RPS6KA2: variants seen among roughly 807,000 people sequenced by gnomAD.
RPS6KA2 encodes the protein ribosomal protein S6 kinase alpha-2.
RPS6KA2 carries 42 observed loss-of-function variants against 91.8 expected under a neutral mutation model. The observed-to-expected ratio is 0.46, with a 90% CI of 0.36 to 0.59. The LOEUF is 0.59. Among genes scored for constraint, RPS6KA2 ranks in the 20% least tolerant of loss-of-function variants. The probability of loss-of-function intolerance (pLI) is 0.00; values close to 1 mark genes in which losing one functional copy is unlikely to be tolerated. For missense variants in RPS6KA2, 798 were observed against 978.5 expected (o/e 0.82, Z 2.46); for synonymous variants, 414 against 393.6 (o/e 1.05, Z -0.61).
At chr6:166,764,310 AG>A (rs1450419273) in intron 2 of RPS6KA2, among the ~76,000 whole-genome samples, 4 of 152,124 alleles carry the variant, frequency 2.6e-5, no homozygotes, top group Admixed American at 6.5e-5. Flanking sequence ...GCGCGTGAAA[AG>A]GAAGACTGTG....
intron 2 of RPS6KA2, among the ~76,000 whole-genome samples, chr6:166,800,586 C>T (rs1244020026): frequency 6.6e-6 from 1 of 152,194 alleles, no homozygotes; most frequent in Non-Finnish European, 1.5e-5. Flanking sequence ...CAACAGGGTT[C>T]TGTCTTGGAA....
chr6:166,803,011 G>A (rs2128618351), intron 2 of RPS6KA2, among the ~76,000 whole-genome samples: 1 of 151,542 alleles, frequency 6.6e-6, no homozygotes, highest in South Asian at 2.1e-4. Context: ...AGTTTACATT[G>A]TATTCTTTTA....
chr6:166,700,818 A>G (rs1302076609), intron 2 of RPS6KA2, among the ~76,000 whole-genome samples: 2 of 152,188 alleles, frequency 1.3e-5, no homozygotes, highest in Non-Finnish European at 2.9e-5. Flanking sequence ...ATACTGTGAG[A>G]CTACAACAAA....
chr6:166,480,629 C>T (rs900276736), intron 10 of RPS6KA2, among the ~76,000 whole-genome samples: 1 of 151,452 alleles, frequency 6.6e-6, no homozygotes, highest in Non-Finnish European at 1.5e-5. Flanking sequence ...ACTCTCCTGC[C>T]TCAGCCTCCT....
At chr6:166,610,928 T>C (rs890606421) in intron 1 of RPS6KA2, among the ~76,000 whole-genome samples, 2 of 152,250 alleles carry the variant, frequency 1.3e-5, no homozygotes, top group Non-Finnish European at 2.9e-5. Context: ...TAAATTACTA[T>C]CTGCATATTC....
rs140692257 is a variant in RPS6KA2 at position 166,701,500 on chromosome 6, A to G, written c.123+156700T>C. On this transcript the variant is annotated intron_variant, in intron 2 of 21. Transcript: ENST00000503859. ...CCTCACCTTAGCATCTGGTGCTTCC[A>G]CTGGAGCAATCTTACTTGAAGCTCC... 1.1e-3 allele frequency: 1,412 copies of G among 1,313,322 alleles called. 7 individuals carry two copies. The African/African-American group carries it at 0.015, about 14-fold the overall frequency. The allele number at this position is 1,313,322 out of a possible 1,614,324, so 81.4% of individuals were successfully genotyped here. A position where few individuals can be genotyped will look rare whatever the true frequency, so the allele number is the denominator to read the frequency against.
intron 1 of RPS6KA2, among the ~76,000 whole-genome samples, chr6:166,605,737 G>C (rs1250629766): frequency 6.6e-6 from 1 of 152,150 alleles, no homozygotes; most frequent in Non-Finnish European, 1.5e-5. Flanking sequence ...ACATTCAACT[G>C]AGATCTTTCA....
intron 3 of RPS6KA2, among the ~76,000 whole-genome samples, chr6:166,527,983 C>A (rs539300268): frequency 7.2e-5 from 11 of 152,200 alleles, no homozygotes; most frequent in Middle Eastern, 6.8e-3. Context: ...CCTTTTTTGG[C>A]TACTGTGAAT....
intron 1 of RPS6KA2, among the ~76,000 whole-genome samples, chr6:166,595,893 C>G (rs978986286): frequency 6.6e-6 from 1 of 152,218 alleles, no homozygotes; most frequent in Non-Finnish European, 1.5e-5. Context: ...CAAATCCAAG[C>G]CTGGTCAGAG....
intron 2 of RPS6KA2, among the ~76,000 whole-genome samples, chr6:166,764,604 G>A (rs547530868): frequency 1.3e-5 from 2 of 152,266 alleles, no homozygotes; most frequent in South Asian, 4.1e-4. Context: ...GGGTTGGGAA[G>A]GGGTCAGGGT....
intron 7 of RPS6KA2, among the ~76,000 whole-genome samples, chr6:166,499,807 C>CAGAACAGACTAATACAGGGACTTTG (rs1445603998): frequency 2.4e-5 from 3 of 124,340 alleles, no homozygotes; most frequent in Admixed American, 7.9e-5. Flanking sequence ...CAGGGACTTT[C>CAGAACAGACTAATACAGGGACTTTG]AGAACAGACT....
intron 2 of RPS6KA2, chr6:166,702,828 C>G: frequency 9.9e-7 from 1 of 1,014,580 alleles, no homozygotes; most frequent in Non-Finnish European, 1.5e-6. Context: ...TTCTGATATA[C>G]GGTTTGTTCA....
Position 166,672,183 on chromosome 6 carries a change from G to A in RPS6KA2, c.124-133399C>T, listed in dbSNP as rs533129247. 3.9e-5 allele frequency among the ~76,000 whole-genome samples: 6 copies of A among 152,292 alleles called. No homozygotes were observed. In the East Asian group the frequency reaches 1.2e-3, roughly 29 times the overall value. On this transcript the variant is annotated intron_variant, in intron 2 of 21. Coordinates refer to the RPS6KA2 transcript ENST00000503859. The stretch of plus-strand genomic sequence containing the variant: ...TATCGGGAGGTTAAAGAGACCCAGG[G>A]CGGATATGAGGGAGGGACTGCTCCA...
chr6:166,751,317 A>G (rs1303401593), intron 2 of RPS6KA2, among the ~76,000 whole-genome samples: 1 of 152,252 alleles, frequency 6.6e-6, no homozygotes, highest in Non-Finnish European at 1.5e-5. Flanking sequence ...ACAGGAATTC[A>G]GATGAGTTCC....
chr6:166,422,779 A>G (rs377141899), intron 17 of RPS6KA2, among the ~76,000 whole-genome samples: 26 of 152,246 alleles, frequency 1.7e-4, no homozygotes, highest in African/African-American at 4.3e-4. Context: ...GCGGTTCTCA[A>G]TCTGACAGCT....
At chr6:166,462,909 C>T (rs3817795) in intron 11 of RPS6KA2, 38,443 of 152,298 alleles carry the variant, frequency 0.25, 4,885 homozygotes, top group Middle Eastern at 0.33. Flanking sequence ...CTGGCCACCC[C>T]GTAACATGGG....
intron 12 of RPS6KA2, among the ~76,000 whole-genome samples, chr6:166,456,525 G>A (rs186848990): frequency 6.6e-6 from 1 of 152,200 alleles, no homozygotes; most frequent in Non-Finnish European, 1.5e-5. Context: ...CATGCTCTAG[G>A]GGGCAGCCAA....
rs895609475 is a variant in RPS6KA2 at position 166,639,309 on chromosome 6, T to A, written c.124-100525A>T. 2.0e-5 allele frequency among the ~76,000 whole-genome samples: 3 copies of A among 152,268 alleles called. No homozygotes were observed. The highest frequency in any genetic ancestry group is 1.9e-4 in the East Asian group (1 of 5,184). On this transcript the variant is annotated intron_variant, in intron 2 of 21. Transcript: ENST00000503859. This position sits in a 1 kb window ranked among gnomAD's most constrained non-coding sequence, Gnocchi z 4.2. ...ACGTCCTTATTCCCTACGTCTCTAG[T>A]TACTGAGATTTGTCAACTGTGCCTT...
At chr6:166,480,512 T>TAA (rs1781171626) in intron 10 of RPS6KA2, among the ~76,000 whole-genome samples, 1 of 123,854 alleles carries the variant, frequency 8.1e-6, no homozygotes, top group African/African-American at 3.2e-5. Flanking sequence ...TATATATATA[T>TAA]ATAATATATT....
Sources: allele counts gnomAD v4.1 joint callset (sites outside exome capture counted in the v4.1 genomes callset), GRCh38; gene constraint gnomAD v4.1.1; non-coding constraint Gnocchi (gnomAD v3.1); transcripts MANE v1.5; gene names NCBI Gene and HGNC (gene_info 2026-07-23, HGNC 2026-07-21).